MALT1: variants seen among roughly 807,000 people sequenced by gnomAD.
MALT1 encodes the protein MALT1 paracaspase, also known as mucosa-associated lymphoid tissue lymphoma translocation protein 1.
In MALT1, 36 loss-of-function variants were observed where a neutral mutation model predicts 85.5. The ratio of observed to expected loss-of-function variants is 0.42; its 90% CI spans 0.32 to 0.56. The LOEUF (loss-of-function observed/expected upper bound fraction) is 0.56, where lower values mean the gene tolerates loss of function less well. Among genes scored for constraint, MALT1 ranks in the 20% least tolerant of loss-of-function variants. MALT1 has a pLI of 0.10. For missense variants in MALT1, 716 were observed against 981.6 expected (o/e 0.73, Z 3.62); for synonymous variants, 359 against 361.3 (o/e 0.99, Z 0.07).
chr18:58,687,523 C>T (rs2054422849), intron 2 of MALT1, among the ~76,000 whole-genome samples: 1 of 152,152 alleles, frequency 6.6e-6, no homozygotes, highest in Non-Finnish European at 1.5e-5. Flanking sequence ...TTTATTTGGG[C>T]ACACTGTAGG....
rs1469549379 is a variant in MALT1, at chr18:58,681,138, C to G, written c.210-32C>G. The stretch of plus-strand genomic sequence containing the variant: ...AGCAGGTGTATCATGTGGAAGAAAG[C>G]TGTTGACTTGAATTCTTTCTGTTGC... On this transcript the variant is annotated intron_variant, in intron 1 of 16. Coordinates refer to ENST00000649217, the MANE Select transcript of MALT1 (RefSeq NM_006785.4). 1.9e-6 allele frequency: 3 copies of G among 1,604,682 alleles called. No individual in the cohort carries two copies. In the South Asian group the frequency reaches 3.3e-5, roughly 18 times the overall value.
rs2054174804 is a variant in MALT1, at chr18:58,672,242, A to C, written c.209+390A>C. ...AAATGCAAAAGAAAGGGATGTGGACACTGCTCTGGGAGACCTAAGGAAGGC... is the reference window on the plus strand; with the variant it reads ...AAATGCAAAAGAAAGGGATGTGGACCCTGCTCTGGGAGACCTAAGGAAGGC... On this transcript the variant is annotated intron_variant, in intron 1 of 16. Transcript: ENST00000649217. 3.6e-5 allele frequency: 6 copies of C among 167,928 alleles called. 1 individual carries two copies. The South Asian group carries it at 1.2e-3, about 34-fold the overall frequency. The allele number at this position is 167,928 out of a possible 1,614,324, so 10.4% of individuals were successfully genotyped here.
intron 1 of MALT1, chr18:58,673,923 C>T (rs1602266519): frequency 1.4e-5 from 2 of 147,044 alleles, no homozygotes; most frequent in South Asian, 4.4e-4. Flanking sequence ...AGGAAAAACA[C>T]GTTGGGCTTT....
intron 4 of MALT1, among the ~76,000 whole-genome samples, chr18:58,704,507 A>G (rs1204446725): frequency 1.3e-5 from 2 of 152,112 alleles, no homozygotes; most frequent in African/African-American, 4.8e-5. Context: ...CCGAGGTTGG[A>G]GTGCAGTGGC....
At chr18:58,740,005 G>A (rs1568154852) in intron 13 of MALT1, among the ~76,000 whole-genome samples, 2 of 152,286 alleles carry the variant, frequency 1.3e-5, no homozygotes, top group Admixed American at 6.5e-5. Flanking sequence ...TTTTTTGGTA[G>A]AAGATTTTTA....
At chr18:58,679,955 A>G (rs4940420) in intron 1 of MALT1, among the ~76,000 whole-genome samples, 92,775 of 152,018 alleles carry the variant, frequency 0.61, 30,790 homozygotes, top group African/African-American at 0.89. Context: ...AGGCAGAGGC[A>G]GGATTATTGC....
chr18:58,743,029 AT>A (rs1455351400), intron 14 of MALT1, among the ~76,000 whole-genome samples: 10 of 152,206 alleles, frequency 6.6e-5, no homozygotes, highest in African/African-American at 2.2e-4. Context: ...TAATTGAAAA[AT>A]AATTGTATTT....
chr18:58,716,253 G>A (rs2054898556), intron 9 of MALT1, among the ~76,000 whole-genome samples: 1 of 152,200 alleles, frequency 6.6e-6, no homozygotes, highest in African/African-American at 2.4e-5. Context: ...TGCATAGTTA[G>A]CATAGAGGAG....
chr18:58,741,375 G>T (rs1208283046), intron 13 of MALT1: 3 of 151,332 alleles, frequency 2.0e-5, no homozygotes, highest in Non-Finnish European at 4.4e-5. Flanking sequence ...ACAATACTTG[G>T]TATCTCCTTT....
At chr18:58,722,342 C>A (rs2054996567) in intron 9 of MALT1, among the ~76,000 whole-genome samples, 1 of 152,090 alleles carries the variant, frequency 6.6e-6, no homozygotes, top group African/African-American at 2.4e-5. Context: ...AAAACTGTTT[C>A]TATCAGAATA....
chr18:58,717,353 ACT>A (rs1415983809), intron 9 of MALT1, among the ~76,000 whole-genome samples: 3 of 147,992 alleles, frequency 2.0e-5, no homozygotes, highest in Non-Finnish European at 3.0e-5. Context: ...CGAGAGTGAA[ACT>A]CTGTCTCAAA....
chr18:58,747,753 T>C lies in MALT1; in HGVS notation c.2386T>C (p.Cys796Arg). Reference sequence around the variant, plus strand: ...TTCAAGTTTCGCTCACCATGCTTCATGTCATTTTAGTAGAAGTAATGTGCC... The same window carrying C: ...TTCAAGTTTCGCTCACCATGCTTCACGTCATTTTAGTAGAAGTAATGTGCC... Reference protein sequence around the residue: ...FISSFAHHASCHFSRSNVPVE... With the variant: ...FISSFAHHASRHFSRSNVPVE... Residue 796 changes from cysteine to arginine, a missense_variant, in exon 17 of 17, where the codon TGT becomes CGT. Cys to Arg is a radical substitution (Grantham distance 180). This residue lies in a region of MALT1 where 260 missense variants were observed against 323.7 expected (regional missense o/e 0.80). Transcript: ENST00000649217. The C allele has an allele frequency of 1.2e-6, 2 of 1,614,174 alleles. No homozygotes were observed. Among genetic ancestry groups the C allele is most frequent in the Non-Finnish European group, 1.7e-6 (2 of 1,179,990 alleles).
intron 10 of MALT1, 25 bp downstream of exon 10, chr18:58,723,276 T>A (rs1424227964): frequency 6.5e-7 from 1 of 1,535,452 alleles, no homozygotes; most frequent in Non-Finnish European, 9.0e-7. Context: ...ATGTTTGTTT[T>A]TACAATTATC....
rs547550239 is a variant in MALT1, at chr18:58,684,418, A to G, written c.376+3082A>G. 2.0e-5 allele frequency among the ~76,000 whole-genome samples: 3 copies of G among 147,844 alleles called. No homozygotes were observed. In the Admixed American group the frequency reaches 2.0e-4, roughly 10 times the overall value. On this transcript the variant is annotated intron_variant, in intron 2 of 16. Coordinates refer to ENST00000649217, the MANE Select transcript of MALT1 (RefSeq NM_006785.4). Reference sequence around the variant, plus strand: ...TGTTAGCTTACTATCTGCATCTAATATGCATAATCTAAGATTTACTCTTTT... The same window carrying G: ...TGTTAGCTTACTATCTGCATCTAATGTGCATAATCTAAGATTTACTCTTTT...
At chr18:58,697,779 G>A (rs751500155) in intron 3 of MALT1, among the ~76,000 whole-genome samples, 8 of 152,174 alleles carry the variant, frequency 5.3e-5, no homozygotes, top group Non-Finnish European at 1.2e-4. Context: ...CATGATCATA[G>A]GAGTATTGTA....
Position 58,741,785 on chromosome 18 carries a change from G to A in MALT1, c.1604-80G>A, listed in dbSNP as rs372878628. The A allele has an allele frequency of 2.3e-5, 19 of 810,590 alleles. No individual in the cohort carries two copies. The South Asian group carries it at 2.8e-4, about 12-fold the overall frequency. 50.2% of individuals were successfully genotyped at this position (810,590 alleles called of 1,614,324 possible). A position where few individuals can be genotyped will look rare whatever the true frequency, so the allele number is the denominator to read the frequency against. ...GATACTGAGAATATAACCTGATAAT[G>A]TAGGATAGTTCTTAGCCTAAATATT... On this transcript the variant is annotated intron_variant, in intron 13 of 16. Coordinates refer to ENST00000649217, the MANE Select transcript of MALT1 (RefSeq NM_006785.4).
chr18:58,701,609 G>A (rs1043889218), intron 4 of MALT1, among the ~76,000 whole-genome samples: 2 of 152,156 alleles, frequency 1.3e-5, no homozygotes, highest in Non-Finnish European at 2.9e-5. Context: ...CCCTCATGAG[G>A]CACAGCCTTG....
intron 1 of MALT1, chr18:58,673,983 A>G (rs1433258971): frequency 6.6e-6 from 1 of 152,178 alleles, no homozygotes; most frequent in Non-Finnish European, 1.5e-5. Flanking sequence ...TAGGTACATA[A>G]AATTTTGAAT....
At position 58,748,882 on chromosome 18, in the gene MALT1, T is replaced by C. The variant is rs1602348627; in HGVS notation, c.*1040T>C. The C allele has an allele frequency of 2.4e-5, 5 of 207,536 alleles. No homozygotes were observed. The East Asian group carries it at 3.7e-4, about 15-fold the overall frequency. The allele number at this position is 207,536 out of a possible 1,614,324, so 12.9% of individuals were successfully genotyped here. ...TAGCACTAATTTTTTGCACACTGTT[T>C]CTAAAAGTAGGAGAGGAAAGAACAC... On this transcript the variant is annotated 3_prime_UTR_variant, in exon 17 of 17. Transcript: ENST00000649217.
Sources: gnomAD v4.1 joint callset for allele counts (sites outside exome capture counted in the v4.1 genomes callset) on GRCh38, gnomAD v4.1.1 for gene constraint, gnomAD v4.1.1 regional missense constraint, MANE v1.5 for transcripts, NCBI Gene and HGNC (gene_info 2026-07-23, HGNC 2026-07-21) for gene names.